Variants in CASQ2 observed in about 807,000 individuals in gnomAD.
CASQ2 encodes the protein calsequestrin 2.
In CASQ2, 49 loss-of-function variants were observed where a neutral mutation model predicts 46.5. The observed-to-expected ratio is 1.05, with a 90% CI of 0.84 to 1.34. The LOEUF (loss-of-function observed/expected upper bound fraction) is 1.34, where lower values mean the gene tolerates loss of function less well. CASQ2 is among the 40% of genes most tolerant of loss of function. CASQ2 has a pLI of 0.00. For missense variants in CASQ2, 486 were observed against 481.3 expected (o/e 1.01, Z -0.09); for synonymous variants, 174 against 168.5 (o/e 1.03, Z -0.25).
At chr1:115,749,284 T>C (rs1648492868) in intron 1 of CASQ2, among the ~76,000 whole-genome samples, 1 of 152,254 alleles carries the variant, frequency 6.6e-6, no homozygotes, top group Non-Finnish European at 1.5e-5. Flanking sequence ...TGGTTTTAGG[T>C]AGATCCAAAT....
At chr1:115,761,928 C>T (rs571815678) in intron 1 of CASQ2, among the ~76,000 whole-genome samples, 3 of 152,288 alleles carry the variant, frequency 2.0e-5, no homozygotes, top group African/African-American at 7.2e-5. Flanking sequence ...GTGGTCCTGC[C>T]ATTTAATACC....
chr1:115,730,661 C>G (rs941755013), intron 5 of CASQ2, among the ~76,000 whole-genome samples: 1 of 152,194 alleles, frequency 6.6e-6, no homozygotes, highest in Non-Finnish European at 1.5e-5. Context: ...TTTTTGCTGT[C>G]TTAACGCCAA....
In CASQ2 at chr1:115,768,481, C is replaced by T. The variant is rs1397786003; in HGVS notation, c.61G>A (p.Glu21Lys). 2 of 1,614,040 alleles carry T rather than the reference C, an allele frequency of 1.2e-6. No homozygotes were observed. Among genetic ancestry groups the T allele is most frequent in the Non-Finnish European group, 1.7e-6 (2 of 1,179,884 alleles). Residue 21 changes from glutamate (E) to lysine (K), a missense_variant, in exon 1 of 11, where the codon GAG (glutamate) becomes AAG (lysine). By Grantham distance (56) the Glu-to-Lys change is moderately conservative (BLOSUM62 1). Coordinates refer to ENST00000261448, the MANE Select transcript of CASQ2 (RefSeq NM_001232.4). ...TCATATGTGGGGAAATTAAGCCCCT[C>T]TTCTGCCCTGCAAGAGGACAGAAAA... Reference protein sequence around the residue: ...IYFLSSCRAEEGLNFPTYDGK... With the variant: ...IYFLSSCRAEKGLNFPTYDGK...
chr1:115,708,399 C>T (rs953411803), intron 8 of CASQ2, among the ~76,000 whole-genome samples: 2 of 152,126 alleles, frequency 1.3e-5, no homozygotes, highest in African/African-American at 4.8e-5. Flanking sequence ...GTCTCTGACC[C>T]CAAATACTTT....
intron 8 of CASQ2, 105 bp downstream of exon 8, chr1:115,717,735 G>T: frequency 1.1e-6 from 1 of 894,644 alleles, no homozygotes; most frequent in Non-Finnish European, 1.9e-6. Flanking sequence ...ATATCTTGCA[G>T]TTGCATTGTG....
intron 5 of CASQ2, among the ~76,000 whole-genome samples, chr1:115,729,703 T>A (rs902018781): frequency 2.0e-5 from 3 of 152,210 alleles, no homozygotes; most frequent in African/African-American, 7.2e-5. Flanking sequence ...AGTTAGCAAG[T>A]CATTTTAGTT....
intron 1 of CASQ2, among the ~76,000 whole-genome samples, chr1:115,762,543 C>T (rs1648998820): frequency 6.6e-6 from 1 of 152,150 alleles, no homozygotes; most frequent in Non-Finnish European, 1.5e-5. Flanking sequence ...ATATACATGG[C>T]TAACAGCATC....
chr1:115,714,815 C>T (rs1009238631), intron 8 of CASQ2, among the ~76,000 whole-genome samples: 1 of 152,230 alleles, frequency 6.6e-6, no homozygotes, highest in Non-Finnish European at 1.5e-5. Flanking sequence ...CTCCCTATCC[C>T]CCTGCCCTCA....
At chr1:115,738,192 G>C in intron 4 of CASQ2, 32 bp downstream of exon 4, 1 of 1,314,990 alleles carries the variant, frequency 7.6e-7, no homozygotes, top group African/African-American at 1.4e-5. Flanking sequence ...CTAGCTTTTA[G>C]ACTGATCGGC....
chr1:115,750,373 C>G (rs988868026), intron 1 of CASQ2, among the ~76,000 whole-genome samples: 8 of 152,188 alleles, frequency 5.3e-5, no homozygotes, highest in African/African-American at 1.9e-4. Flanking sequence ...TGTCTCTTAT[C>G]GGTTGGTTAT....
Position 115,732,928 on chromosome 1 carries a change from G to T in CASQ2, c.579C>A (p.Ile193=). 1 of 1,613,862 alleles carries T rather than the reference G, an allele frequency of 6.2e-7. No individual in the cohort carries two copies. The highest frequency in any genetic ancestry group is 8.5e-7 in the Non-Finnish European group (1 of 1,179,816). Residue 193 remains isoleucine, a synonymous_variant, in exon 5 of 11, where the codon ATC becomes ATA. Transcript: ENST00000261448. ...EEAAEHFQPY[I]KFFATFDKGV... is the part of the protein sequence containing the mutation. ...CTTTGTCAAAGGTGGCAAAGAATTT[G>T]ATGTAAGGCTGGAAGTGTTCAGCTG...
chr1:115,701,307 A>C lies in CASQ2; in HGVS notation c.1134T>G (p.Asp378Glu), dbSNP rs150486780. 1 of 1,588,572 alleles carries C rather than the reference A, an allele frequency of 6.3e-7. No homozygotes were observed. Among genetic ancestry groups the C allele is most frequent in the South Asian group, 1.1e-5 (1 of 90,550 alleles). The change falls in exon 11 of 11, where the codon GAT becomes GAG. Residue 378 changes from aspartate (D) to glutamate (E), a missense_variant. Physicochemically the swap from Asp to Glu is conservative, Grantham distance 45. Coordinates refer to ENST00000261448, the MANE Select transcript of CASQ2 (RefSeq NM_001232.4). Reference protein sequence around the residue: ...GKINTEDDDEDDDDDDNSDEE... With the variant: ...GKINTEDDDEEDDDDDNSDEE... ...CATCAGAATTATCATCATCATCATCATCTTCATCATCATCTTCAGTGTTTA... is the reference window on the plus strand; with the variant it reads ...CATCAGAATTATCATCATCATCATCCTCTTCATCATCATCTTCAGTGTTTA...
intron 6 of CASQ2, among the ~76,000 whole-genome samples, chr1:115,726,388 T>C (rs1160466768): frequency 2.6e-5 from 4 of 152,230 alleles, no homozygotes; most frequent in Admixed American, 2.0e-4. Flanking sequence ...ATGGCTGCTT[T>C]CATGCCACAG....
intron 7 of CASQ2, 87 bp from the exon 8 acceptor site, chr1:115,717,981 G>C: frequency 1.1e-6 from 1 of 917,140 alleles, no homozygotes. Context: ...AAGCTGGAAT[G>C]GGAATAGGAG....
Position 115,705,316 on chromosome 1 carries a change from G to A in CASQ2, c.839-24C>T, listed in dbSNP as rs188189850. ...ATCTGAAACAGGATTCAAGAGAGTTGAGTAACCCCTGCACATACACAGCTT... is the reference window on the plus strand; with the variant it reads ...ATCTGAAACAGGATTCAAGAGAGTTAAGTAACCCCTGCACATACACAGCTT... On this transcript the variant is annotated intron_variant, in intron 8 of 10. Coordinates refer to ENST00000261448, the MANE Select transcript of CASQ2 (RefSeq NM_001232.4). 184 of 1,474,502 alleles carry A rather than the reference G, an allele frequency of 1.2e-4. No individual in the cohort carries two copies. In the African/African-American group the frequency reaches 2.4e-3, roughly 19 times the overall value. The allele number at this position is 1,474,502 out of a possible 1,614,324, so 91.3% of individuals were successfully genotyped here.
chr1:115,721,315 C>T (rs1280340795), intron 7 of CASQ2, among the ~76,000 whole-genome samples: 6 of 152,128 alleles, frequency 3.9e-5, no homozygotes, highest in Non-Finnish European at 8.8e-5. Flanking sequence ...TTTGCCCTGC[C>T]TCAGCTTGAC....
chr1:115,719,239 A>T (rs1234808079), intron 7 of CASQ2, among the ~76,000 whole-genome samples: 1 of 151,020 alleles, frequency 6.6e-6, no homozygotes, highest in African/African-American at 2.4e-5. Flanking sequence ...ACAGATACGC[A>T]TGTGTGTGCC....
chr1:115,720,000 G>A (rs1647313767), intron 7 of CASQ2, among the ~76,000 whole-genome samples: 3 of 152,086 alleles, frequency 2.0e-5, no homozygotes. Flanking sequence ...TACTTACTTT[G>A]TAAGTACATT....
At chr1:115,720,165 A>G (rs1020900576) in intron 7 of CASQ2, among the ~76,000 whole-genome samples, 1 of 152,160 alleles carries the variant, frequency 6.6e-6, no homozygotes, top group Non-Finnish European at 1.5e-5. Flanking sequence ...TCGGGCTGCT[A>G]TAACAACATA....
Sources: allele counts gnomAD v4.1 joint callset (sites outside exome capture counted in the v4.1 genomes callset), GRCh38; gene constraint gnomAD v4.1.1; transcripts MANE v1.5; gene names NCBI Gene and HGNC (gene_info 2026-07-23, HGNC 2026-07-21).